Variants in INPP4B observed in about 807,000 individuals in gnomAD.
The protein encoded by INPP4B is inositol polyphosphate-4-phosphatase type II B, also known as inositol polyphosphate 4-phosphatase type II.
In INPP4B, 55 loss-of-function variants were observed where a neutral mutation model predicts 122.5. The ratio of observed to expected loss-of-function variants is 0.45; its 90% CI spans 0.36 to 0.56. The LOEUF is 0.56. Ranked by LOEUF, INPP4B falls within the 20% of genes least tolerant of loss-of-function variation. The pLI is 0.00. For synonymous variants in INPP4B, 403 were observed against 388.7 expected, an observed-to-expected ratio of 1.04 and a Z score of -0.43; for missense variants, 1,000 against 1,097.7, an observed-to-expected ratio of 0.91 and a Z score of 1.26.
intron 2 of INPP4B, among the ~76,000 whole-genome samples, chr4:142,640,629 T>C (rs1200331940): frequency 1.3e-5 from 2 of 151,984 alleles, no homozygotes; most frequent in Non-Finnish European, 2.9e-5. Flanking sequence ...AAATTAAAAA[T>C]TTTTATTTAT....
intron 18 of INPP4B, among the ~76,000 whole-genome samples, chr4:142,139,715 T>C (rs568376377): frequency 6.6e-6 from 1 of 152,314 alleles, no homozygotes; most frequent in Non-Finnish European, 1.5e-5. Flanking sequence ...TGTTCCTATT[T>C]GAAGGTTGGG....
intron 3 of INPP4B, among the ~76,000 whole-genome samples, chr4:142,438,618 A>G (rs1811042794): frequency 6.6e-6 from 1 of 152,210 alleles, no homozygotes; most frequent in South Asian, 2.1e-4. Flanking sequence ...AACCTAGGAA[A>G]TACCATTCAG....
At chr4:142,836,241 A>T (rs749033508) in intron 1 of INPP4B, among the ~76,000 whole-genome samples, 1 of 152,180 alleles carries the variant, frequency 6.6e-6, no homozygotes, top group Non-Finnish European at 1.5e-5. Flanking sequence ...AGTTTGGAAG[A>T]AATATCAGTG....
At chr4:142,842,434 T>C (rs1044120900) in intron 1 of INPP4B, among the ~76,000 whole-genome samples, 5 of 149,812 alleles carry the variant, frequency 3.3e-5, no homozygotes, top group African/African-American at 1.2e-4. Context: ...ATTGGCCTTA[T>C]GGTATACCAT....
At chr4:142,483,287 T>C (rs1820805668) in intron 2 of INPP4B, among the ~76,000 whole-genome samples, 1 of 139,800 alleles carries the variant, frequency 7.2e-6, no homozygotes, top group East Asian at 2.3e-4. Flanking sequence ...GGTGCTAACA[T>C]CACAGCAGCA....
chr4:142,437,217 A>G (rs566078042), intron 3 of INPP4B, among the ~76,000 whole-genome samples: 97 of 152,212 alleles, frequency 6.4e-4, no homozygotes, highest in African/African-American at 2.3e-3. Context: ...AGAGAAAAAA[A>G]GAATGAAAAG....
At chr4:142,470,934 A>G (rs1229520623) in intron 2 of INPP4B, among the ~76,000 whole-genome samples, 2 of 152,214 alleles carry the variant, frequency 1.3e-5, no homozygotes, top group African/African-American at 2.4e-5. Flanking sequence ...AATTGCATTA[A>G]CTAATTTGAT....
intron 2 of INPP4B, among the ~76,000 whole-genome samples, chr4:142,605,099 C>T (rs1379903118): frequency 1.3e-5 from 2 of 151,496 alleles, no homozygotes; most frequent in Non-Finnish European, 3.0e-5. Context: ...GGCAAAGTCA[C>T]CAGGAACATG....
At position 142,277,672 on chromosome 4, in the gene INPP4B, C is replaced by T. The variant is rs7683839; in HGVS notation, c.504-6898G>A. ...GGGTGGATAAAGAAAATATCATACA[C>T]ACACACACATACACACACACACACA... On this transcript the variant is annotated intron_variant, in intron 9 of 25. Coordinates refer to ENST00000262992, the MANE Select transcript of INPP4B (RefSeq NM_001101669.3). Among the ~76,000 whole-genome samples the T allele has an allele frequency of 8.7e-3, 983 of 112,768 alleles. 18 individuals carry two copies. The highest frequency in any genetic ancestry group is 0.026 in the African/African-American group (884 of 33,370). 74.0% of individuals were successfully genotyped at this position (112,768 alleles called of 152,430 possible).
At chr4:142,647,557 C>CA (rs1752053342) in intron 2 of INPP4B, among the ~76,000 whole-genome samples, 2 of 152,146 alleles carry the variant, frequency 1.3e-5, no homozygotes, top group South Asian at 4.1e-4. Flanking sequence ...GAGAAATAGA[C>CA]AGTGTCCCCA....
chr4:142,254,056 C>T (rs10016344), intron 11 of INPP4B, among the ~76,000 whole-genome samples: 1,887 of 151,984 alleles, frequency 0.012, 45 homozygotes, highest in African/African-American at 0.042. Flanking sequence ...CCCTGACCCC[C>T]GAGCAGCCTA....
At chr4:142,354,984 G>C (rs929265786) in intron 7 of INPP4B, among the ~76,000 whole-genome samples, 1 of 151,910 alleles carries the variant, frequency 6.6e-6, no homozygotes, top group Non-Finnish European at 1.5e-5. Context: ...CTCGTGGCTC[G>C]AGTGGGGCTT....
chr4:142,542,549 C>T (rs1477528087), intron 2 of INPP4B, among the ~76,000 whole-genome samples: 2 of 152,152 alleles, frequency 1.3e-5, no homozygotes, highest in African/African-American at 4.8e-5. Flanking sequence ...TTAATTAATA[C>T]ACATGAAGCA....
At chr4:142,128,120 C>T (rs1181049625) in intron 18 of INPP4B, among the ~76,000 whole-genome samples, 5 of 151,986 alleles carry the variant, frequency 3.3e-5, no homozygotes, top group Non-Finnish European at 7.4e-5. Flanking sequence ...ACCTTTATGT[C>T]TCTCTATACC....
chr4:142,160,231 A>G (rs1819427682), intron 17 of INPP4B, 127 bp downstream of exon 17: 2 of 643,718 alleles, frequency 3.1e-6, no homozygotes, highest in Non-Finnish European at 2.4e-6. Context: ...AATGTGGCCT[A>G]TTTATCCACA....
intron 5 of INPP4B, among the ~76,000 whole-genome samples, chr4:142,424,539 GGATA>G (rs1167975521): frequency 6.6e-6 from 1 of 151,886 alleles, no homozygotes; most frequent in Non-Finnish European, 1.5e-5. Context: ...ACACAGACAC[GGATA>G]GTTAAATAAA....
chr4:142,276,030 C>T (rs1748232482), intron 9 of INPP4B, among the ~76,000 whole-genome samples: 1 of 151,556 alleles, frequency 6.6e-6, no homozygotes, highest in East Asian at 1.9e-4. Context: ...CTCCAAAAAC[C>T]AAAACCAAAA....
At chr4:142,596,903 T>A (rs78439923) in intron 2 of INPP4B, among the ~76,000 whole-genome samples, 1,590 of 152,340 alleles carry the variant, frequency 0.01, 30 homozygotes, top group African/African-American at 0.037. Flanking sequence ...GATTGAAGTG[T>A]TTTATTTTCT....
At chr4:142,459,084 G>A (rs1816157375) in intron 3 of INPP4B, among the ~76,000 whole-genome samples, 1 of 152,190 alleles carries the variant, frequency 6.6e-6, no homozygotes, top group African/African-American at 2.4e-5. Context: ...CAGTAACCTA[G>A]AAAGCAGTGT....
Sources: allele counts gnomAD v4.1 joint callset (sites outside exome capture counted in the v4.1 genomes callset), GRCh38; gene constraint gnomAD v4.1.1; transcripts MANE v1.5; gene names NCBI Gene and HGNC (gene_info 2026-07-23, HGNC 2026-07-21).